Variants in SGCZ observed in about 807,000 individuals in gnomAD.
The protein encoded by SGCZ is zeta-sarcoglycan.
SGCZ carries 40 observed loss-of-function variants against 41.3 expected under a neutral mutation model. The ratio of observed to expected loss-of-function variants is 0.97; its 90% confidence interval spans 0.75 to 1.26. The LOEUF is 1.26. Ranked by LOEUF, SGCZ falls within the 50% of genes most tolerant of loss-of-function variation. The pLI is 0.00. For synonymous variants in SGCZ, 206 were observed against 137.5 expected, an observed-to-expected ratio of 1.50 and a Z score of -3.49; for missense variants, 552 against 369.8, an observed-to-expected ratio of 1.49 and a Z score of -4.04.
intron 2 of SGCZ, among the ~76,000 whole-genome samples, chr8:14,508,318 T>C (rs1179379678): frequency 1.3e-5 from 2 of 152,166 alleles, no homozygotes; most frequent in Non-Finnish European, 2.9e-5. Flanking sequence ...AATACATTTG[T>C]TGAATGAATG....
At chr8:14,932,847 AG>A (rs1055633228) in intron 1 of SGCZ, among the ~76,000 whole-genome samples, 7 of 152,226 alleles carry the variant, frequency 4.6e-5, no homozygotes, top group African/African-American at 1.7e-4. Flanking sequence ...AAAATGTCAA[AG>A]TCCAAAAGTG....
At chr8:14,325,796 A>G in intron 2 of SGCZ, among the ~76,000 whole-genome samples, 1 of 137,772 alleles carries the variant, frequency 7.3e-6, no homozygotes, top group Admixed American at 7.7e-5. Flanking sequence ...ATATATATCA[A>G]CCAGCACATC....
Position 14,629,693 on chromosome 8 carries a change from C to T in SGCZ, c.40-74767G>A, listed in dbSNP as rs116417551. Among the ~76,000 whole-genome samples the T allele has an allele frequency of 5.2e-3, 787 of 150,890 alleles. 7 individuals are homozygous for T. Among genetic ancestry groups the T allele is most frequent in the African/African-American group, 0.016 (661 of 41,164 alleles). On this transcript the variant is annotated intron_variant, in intron 1 of 7. Coordinates refer to ENST00000382080, the MANE Select transcript of SGCZ (RefSeq NM_139167.4). ...TGAATCCTTGTCTATGGAATGCTTT[C>T]AATGGGATGTGTCTGGTCTATTTAG...
intron 4 of SGCZ, among the ~76,000 whole-genome samples, chr8:14,170,015 A>G (rs1471024131): frequency 6.6e-6 from 1 of 151,986 alleles, no homozygotes; most frequent in African/African-American, 2.4e-5. Context: ...CCCCAGGAAT[A>G]CTTGAATACT....
At chr8:14,886,406 T>C (rs975303792) in intron 1 of SGCZ, among the ~76,000 whole-genome samples, 42 of 152,006 alleles carry the variant, frequency 2.8e-4, no homozygotes, top group African/African-American at 9.4e-4. Context: ...GGAAGCAAAA[T>C]ATATTGGGAG....
intron 5 of SGCZ, among the ~76,000 whole-genome samples, chr8:14,122,541 C>CTAT (rs1431084404): frequency 6.6e-6 from 1 of 152,172 alleles, no homozygotes; most frequent in African/African-American, 2.4e-5. Flanking sequence ...ATCTAATAAA[C>CTAT]TATTGTGATT....
chr8:14,536,778 T>C (rs202043097), intron 2 of SGCZ, among the ~76,000 whole-genome samples: 1 of 126,774 alleles, frequency 7.9e-6, no homozygotes, highest in African/African-American at 3.7e-5. Context: ...TTTTTTCCCA[T>C]TCAACCTTAA....
intron 2 of SGCZ, among the ~76,000 whole-genome samples, chr8:14,485,257 T>C (rs1801641213): frequency 6.6e-6 from 1 of 152,144 alleles, no homozygotes; most frequent in African/African-American, 2.4e-5. Context: ...TTTTTCTTTT[T>C]CTCCTCCCTC....
intron 5 of SGCZ, among the ~76,000 whole-genome samples, chr8:14,156,519 C>T (rs1247320056): frequency 1.3e-5 from 2 of 152,148 alleles, no homozygotes; most frequent in African/African-American, 4.8e-5. Flanking sequence ...CAACAATAAC[C>T]TTAACTTACT....
chr8:14,268,053 G>C (rs1289075413), intron 3 of SGCZ, among the ~76,000 whole-genome samples: 19 of 148,174 alleles, frequency 1.3e-4, no homozygotes. Context: ...TTTCTTCAAA[G>C]TTTTGGGAAA....
chr8:14,925,577 G>T (rs550369593), intron 1 of SGCZ, among the ~76,000 whole-genome samples: 51 of 152,278 alleles, frequency 3.3e-4, no homozygotes, highest in African/African-American at 1.2e-3. Context: ...CAGCTTGCCC[G>T]TGTGGGTTGA....
chr8:14,317,105 T>C (rs1801745521), intron 3 of SGCZ, among the ~76,000 whole-genome samples: 1 of 152,044 alleles, frequency 6.6e-6, no homozygotes, highest in South Asian at 2.1e-4. Context: ...TGAATCATAC[T>C]CTCCTTGACA....
intron 1 of SGCZ, among the ~76,000 whole-genome samples, chr8:14,874,842 C>A (rs1008203772): frequency 2.6e-5 from 4 of 152,120 alleles, no homozygotes; most frequent in African/African-American, 7.2e-5. Context: ...CACCTTCCTC[C>A]AGTTATCCAT....
chr8:15,082,342 A>C (rs1189013039), intron 1 of SGCZ, among the ~76,000 whole-genome samples: 1 of 152,096 alleles, frequency 6.6e-6, no homozygotes, highest in Non-Finnish European at 1.5e-5. Context: ...CATGGTCTAT[A>C]TTAGGTACTC....
At chr8:14,302,429 A>C (rs1394293405) in intron 3 of SGCZ, among the ~76,000 whole-genome samples, 1 of 152,074 alleles carries the variant, frequency 6.6e-6, no homozygotes, top group Non-Finnish European at 1.5e-5. Flanking sequence ...TAAATGAATC[A>C]ATTTTATATT....
chr8:14,237,443 A>C, intron 4 of SGCZ, 149 bp downstream of exon 4: 18 of 667,368 alleles, frequency 2.7e-5, no homozygotes, highest in Non-Finnish European at 3.6e-5. Context: ...CAGCCTCCCA[A>C]AGTGCACTCC....
intron 2 of SGCZ, among the ~76,000 whole-genome samples, chr8:14,469,735 C>A (rs910190021): frequency 6.6e-6 from 1 of 152,038 alleles, no homozygotes; most frequent in Non-Finnish European, 1.5e-5. Flanking sequence ...AAGTTAACGG[C>A]CAATGGCTGA....
chr8:14,278,496 G>A (rs557496169), intron 3 of SGCZ, among the ~76,000 whole-genome samples: 1 of 152,212 alleles, frequency 6.6e-6, no homozygotes, highest in East Asian at 1.9e-4. Context: ...GTTGTGAGAT[G>A]ATGAGTTTTT....
chr8:15,203,742 T>G (rs1013396452), intron 1 of SGCZ, among the ~76,000 whole-genome samples: 10 of 152,192 alleles, frequency 6.6e-5, no homozygotes, highest in African/African-American at 2.4e-4. Flanking sequence ...ATGCATATGA[T>G]TTAGCAGTGC....
Sources: allele counts gnomAD v4.1 joint callset (sites outside exome capture counted in the v4.1 genomes callset), GRCh38; gene constraint gnomAD v4.1.1; transcripts MANE v1.5; gene names NCBI Gene and HGNC (gene_info 2026-07-23, HGNC 2026-07-21).